The following GMEB1 variants were observed in gnomAD, a reference collection of about 807,000 sequenced individuals.
The protein encoded by GMEB1 is glucocorticoid modulatory element-binding protein 1.
A neutral mutation model predicts 52.4 loss-of-function variants in GMEB1; 6 were observed. The observed-to-expected ratio is 0.11, with a 90% CI of 0.06 to 0.23. The LOEUF (loss-of-function observed/expected upper bound fraction) is 0.23. GMEB1 is among the 10% of genes least tolerant of loss of function. The probability of loss-of-function intolerance (pLI) is 1.00; values close to 1 mark genes in which losing one functional copy is unlikely to be tolerated. For missense variants in GMEB1, 486 were observed against 685.6 expected, an observed-to-expected ratio of 0.71 and a Z score of 3.25; for synonymous variants, 255 against 244.9, an observed-to-expected ratio of 1.04 and a Z score of -0.38.
In GMEB1 at chr1:28,690,203, GTTTTTTTTTTTT is replaced by G; in HGVS notation, c.211+27_211+38del. On this transcript the variant is annotated intron_variant, in intron 3 of 9. Coordinates refer to ENST00000373816, the MANE Select transcript of GMEB1 (RefSeq NM_001319674.2). Reference sequence around the variant, plus strand: ...AAGGGATTGGTAAGGGTTTTTTTGTGTTTTTTTTTTTTTTTTTTTTTGTCATTCTAATACCTT... The same window carrying G: ...AAGGGATTGGTAAGGGTTTTTTTGTGTTTTTTTTTGTCATTCTAATACCTT... 1.9e-6 allele frequency: 1 copy of G among 513,944 alleles called. No homozygotes were observed. The highest frequency in any genetic ancestry group is 3.1e-6 in the Non-Finnish European group (1 of 319,040). The allele number at this position is 513,944 out of a possible 1,614,324, so 31.8% of individuals were successfully genotyped here. A position where few individuals can be genotyped will look rare whatever the true frequency, so the allele number is the denominator to read the frequency against.
chr1:28,672,048 G>A (rs1361016860), intron 1 of GMEB1, among the ~76,000 whole-genome samples: 3 of 150,822 alleles, frequency 2.0e-5, no homozygotes, highest in Non-Finnish European at 3.0e-5. Context: ...GGAGGCGGAA[G>A]TTGCAGTGAG....
chr1:28,674,708 CTTTTTTTTTTTTT>C (rs34267851), intron 1 of GMEB1, among the ~76,000 whole-genome samples: 8 of 49,134 alleles, frequency 1.6e-4, no homozygotes, highest in South Asian at 1.0e-3. Flanking sequence ...ATAGTTAATT[CTTTTTTTTTTTTT>C]TTTTTTTTTT....
At chr1:28,704,468 A>G (rs1356999827) in intron 8 of GMEB1, 139 bp downstream of exon 8, 1 of 588,262 alleles carries the variant, frequency 1.7e-6, no homozygotes, top group African/African-American at 1.9e-5. Flanking sequence ...AGGCTCATAT[A>G]AGTTAAGTCA....
At chr1:28,690,255 T>G (rs968108963) in intron 3 of GMEB1, 69 bp downstream of exon 3, 1 of 717,696 alleles carries the variant, frequency 1.4e-6, no homozygotes, top group Non-Finnish European at 2.3e-6. Context: ...TTTAGCTTCC[T>G]TGGTTGAGTT....
At chr1:28,687,385 C>CAAAAAAA (rs1489651109) in intron 2 of GMEB1, among the ~76,000 whole-genome samples, 1 of 38,154 alleles carries the variant, frequency 2.6e-5, no homozygotes, top group Non-Finnish European at 4.7e-5. Flanking sequence ...CACACACACA[C>CAAAAAAA]ACAAAAAAAG....
chr1:28,672,166 A>G (rs1180931698), intron 1 of GMEB1, among the ~76,000 whole-genome samples: 2 of 149,726 alleles, frequency 1.3e-5, no homozygotes, highest in African/African-American at 4.9e-5. Flanking sequence ...AAAATCTCGT[A>G]CTCATTTTTA....
chr1:28,686,482 A>G (rs1054866538), intron 2 of GMEB1, among the ~76,000 whole-genome samples: 2 of 151,946 alleles, frequency 1.3e-5, no homozygotes, highest in African/African-American at 4.8e-5. Context: ...TACAAAAATT[A>G]GCCGGGTGTG....
intron 5 of GMEB1, among the ~76,000 whole-genome samples, chr1:28,694,190 A>AT (rs569803893): frequency 0.013 from 1,742 of 136,794 alleles, 15 homozygotes; most frequent in Non-Finnish European, 0.019. Flanking sequence ...GTGTTGTAGG[A>AT]TTTTTTTTTT....
At chr1:28,687,176 A>G (rs1669683918) in intron 2 of GMEB1, among the ~76,000 whole-genome samples, 1 of 151,660 alleles carries the variant, frequency 6.6e-6, no homozygotes, top group South Asian at 2.1e-4. Flanking sequence ...TCTCTATAAA[A>G]AAATAGAAAA....
At position 28,690,194 on chromosome 1, in the gene GMEB1, T is replaced by C. The variant is rs750581635; in HGVS notation, c.211+8T>C. Reference sequence around the variant, plus strand: ...AAATTGAAGAAGGGATTGGTAAGGGTTTTTTTGTGTTTTTTTTTTTTTTTT... The same window carrying C: ...AAATTGAAGAAGGGATTGGTAAGGGCTTTTTTGTGTTTTTTTTTTTTTTTT... On this transcript the variant is annotated splice_region_variant and intron_variant, in intron 3 of 9. Transcript: ENST00000373816. The C allele has an allele frequency of 1.5e-5, 18 of 1,166,022 alleles. No individual in the cohort carries two copies. Among genetic ancestry groups the C allele is most frequent in the Non-Finnish European group, 1.9e-5 (16 of 823,706 alleles). The allele number at this position is 1,166,022 out of a possible 1,614,324, so 72.2% of individuals were successfully genotyped here.
In GMEB1 at chr1:28,715,731, G is replaced by C. The variant is rs560829465; in HGVS notation, c.*958G>C. 1.3e-5 allele frequency: 2 copies of C among 152,156 alleles called. No individual in the cohort carries two copies. The highest frequency in any genetic ancestry group is 3.9e-4 in the East Asian group (2 of 5,156). The allele number at this position is 152,156 out of a possible 1,614,324, so 9.4% of individuals were successfully genotyped here. Reference sequence around the variant, plus strand: ...ACCGTGAGTGCCATTTTGAGAAGAAGGTGGTAATAAGTGGAAGGTACATCT... The same window carrying C: ...ACCGTGAGTGCCATTTTGAGAAGAACGTGGTAATAAGTGGAAGGTACATCT... On this transcript the variant is annotated 3_prime_UTR_variant, in exon 10 of 10. Coordinates refer to ENST00000373816, the MANE Select transcript of GMEB1 (RefSeq NM_001319674.2).
chr1:28,675,399 TCG>T (rs199880962), intron 1 of GMEB1, among the ~76,000 whole-genome samples: 2,026 of 150,280 alleles, frequency 0.013, 16 homozygotes, highest in Middle Eastern at 0.062. Context: ...CAGAGAGAGA[TCG>T]GCCGGGGTGG....
At chr1:28,689,377 AGC>A (rs1324771058) in intron 2 of GMEB1, among the ~76,000 whole-genome samples, 1 of 152,048 alleles carries the variant, frequency 6.6e-6, no homozygotes, top group African/African-American at 2.4e-5. Flanking sequence ...CTGTAATACC[AGC>A]ACTTTGGGAG....
chr1:28,705,370 G>A (rs1440200079), intron 8 of GMEB1, among the ~76,000 whole-genome samples: 2 of 151,604 alleles, frequency 1.3e-5, no homozygotes, highest in African/African-American at 4.8e-5. Context: ...CACCAGTCTG[G>A]GTGATAGAGA....
In GMEB1 at chr1:28,719,315, T is replaced by A. The variant is rs977968621; in HGVS notation, c.*4542T>A. On this transcript the variant is annotated 3_prime_UTR_variant, in exon 10 of 10. Transcript: ENST00000373816. ...CCTAAAAACACCAGTCATTCTGAAG[T>A]AAAAAATGGACAATAAACATGAATA... 3 of 152,192 alleles carry A rather than the reference T, an allele frequency of 2.0e-5. No homozygotes were observed. The highest frequency in any genetic ancestry group is 4.4e-5 in the Non-Finnish European group (3 of 68,028). 9.4% of individuals were successfully genotyped at this position (152,192 alleles called of 1,614,324 possible). A position where few individuals can be genotyped will look rare whatever the true frequency, so the allele number is the denominator to read the frequency against.
At chr1:28,703,745 T>C (rs1165308893) in intron 7 of GMEB1, among the ~76,000 whole-genome samples, 1 of 152,086 alleles carries the variant, frequency 6.6e-6, no homozygotes, top group African/African-American at 2.4e-5. Context: ...TCTATCCAAC[T>C]GTTTTGTTTT....
intron 3 of GMEB1, 29 bp from the exon 4 acceptor site, chr1:28,691,556 T>G (rs1669964229): frequency 6.8e-7 from 1 of 1,478,642 alleles, no homozygotes. Flanking sequence ...AGTTGTTTGA[T>G]AAATAACTGA....
chr1:28,686,508 A>G (rs985035273), intron 2 of GMEB1, among the ~76,000 whole-genome samples: 1 of 151,710 alleles, frequency 6.6e-6, no homozygotes, highest in Admixed American at 6.6e-5. Flanking sequence ...ACGCGCCTGT[A>G]ATCCCAGCTG....
At chr1:28,690,468 A>G (rs1036070398) in intron 3 of GMEB1, among the ~76,000 whole-genome samples, 2 of 152,054 alleles carry the variant, frequency 1.3e-5, no homozygotes, top group African/African-American at 4.8e-5. Context: ...TGGAGCCTCA[A>G]AGTTGATCCC....
Sources: allele counts gnomAD v4.1 joint callset (sites outside exome capture counted in the v4.1 genomes callset), GRCh38; gene constraint gnomAD v4.1.1; transcripts MANE v1.5; gene names NCBI Gene and HGNC (gene_info 2026-07-23, HGNC 2026-07-21).